APBB2: variants seen among roughly 807,000 people sequenced by gnomAD.
The protein encoded by APBB2 is amyloid beta precursor protein binding family B member 2.
Under a neutral mutation model 82.5 loss-of-function variants are expected in APBB2, and 38 were observed. That is an observed-to-expected ratio of 0.46 (90% confidence interval 0.36 to 0.60). The LOEUF is 0.60. APBB2 is among the 20% of genes least tolerant of loss of function. The pLI is 0.00. For synonymous variants in APBB2, 341 were observed against 368.2 expected, an observed-to-expected ratio of 0.93 and a Z score of 0.85; for missense variants, 772 against 972.3, an observed-to-expected ratio of 0.79 and a Z score of 2.74.
chr4:41,048,495 C>T (rs982980298), intron 4 of APBB2, among the ~76,000 whole-genome samples: 2 of 152,132 alleles, frequency 1.3e-5, no homozygotes, highest in Non-Finnish European at 2.9e-5. Context: ...CTATTATTAT[C>T]CTCATTTTAT....
In APBB2 at chr4:41,013,910, T is replaced by C; in HGVS notation, c.508A>G (p.Thr170Ala). 6.2e-7 allele frequency: 1 copy of C among 1,614,116 alleles called. No homozygotes were observed. Among genetic ancestry groups the C allele is most frequent in the African/African-American group, 1.3e-5 (1 of 75,026 alleles). Residue 170 changes from threonine (T) to alanine (A), a missense_variant, in exon 6 of 18, where the codon ACC becomes GCC. Physicochemically the swap from Thr to Ala is moderately conservative, Grantham distance 58. Transcript: ENST00000508593. ...TTCTGCTCTAGTTCTCTGGCTGAGGTTTCCAGATCTGCATAGTAATTTAGG... is the reference window on the plus strand; with the variant it reads ...TTCTGCTCTAGTTCTCTGGCTGAGGCTTCCAGATCTGCATAGTAATTTAGG... ...SFLNYYADLE[T>A]SARELEQNRG...
At chr4:41,195,802 T>A in intron 1 of APBB2, among the ~76,000 whole-genome samples, 1 of 152,100 alleles carries the variant, frequency 6.6e-6, no homozygotes, top group Non-Finnish European at 1.5e-5. Flanking sequence ...GGAATACCCC[T>A]TCCCGCCATA....
chr4:41,190,010 T>C (rs571005137), intron 1 of APBB2, among the ~76,000 whole-genome samples: 1 of 152,310 alleles, frequency 6.6e-6, no homozygotes, highest in African/African-American at 2.4e-5. Flanking sequence ...TAAAAATTCA[T>C]GGCTAAAAAT....
chr4:41,133,033 G>GA lies in APBB2; in HGVS notation c.-261+9953dup, dbSNP rs554357029. ...AGTTGTACTGTACATCTTTTTCAGG[G>GA]AAAAAATGCATACACCAGCATATAT... On this transcript the variant is annotated intron_variant, in intron 2 of 17. Coordinates refer to ENST00000508593, the MANE Select transcript of APBB2 (RefSeq NM_004307.2). Among the ~76,000 whole-genome samples, 330 of 151,402 alleles carry GA rather than the reference G, an allele frequency of 2.2e-3. 1 individual carries two copies. The highest frequency in any genetic ancestry group is 7.4e-3 in the African/African-American group (306 of 41,322).
intron 6 of APBB2, among the ~76,000 whole-genome samples, chr4:40,949,442 A>G (rs1393809520): frequency 2.0e-5 from 3 of 152,196 alleles, no homozygotes; most frequent in Admixed American, 6.5e-5. Flanking sequence ...TACTTACAAT[A>G]AAGTTTAAAA....
At chr4:40,961,667 TAAAAAAAAAAAAAAAAAAA>T (rs60942744) in intron 6 of APBB2, among the ~76,000 whole-genome samples, 6 of 68,248 alleles carry the variant, frequency 8.8e-5, no homozygotes, top group East Asian at 5.4e-4. Context: ...AAAAAAGATG[TAAAAAAAAAAAAAAAAAAA>T]AAAAAAAAAA....
chr4:40,967,968 A>G (rs1417136075), intron 6 of APBB2, among the ~76,000 whole-genome samples: 1 of 152,194 alleles, frequency 6.6e-6, no homozygotes, highest in African/African-American at 2.4e-5. Context: ...GAGTCCGATA[A>G]TTTACATTCT....
At chr4:41,097,844 TA>T (rs1168033294) in intron 3 of APBB2, among the ~76,000 whole-genome samples, 2 of 152,140 alleles carry the variant, frequency 1.3e-5, no homozygotes, top group Non-Finnish European at 2.9e-5. Context: ...GGACAGAGGT[TA>T]AAAAGAAGTG....
At chr4:40,926,458 T>C (rs1782627192) in intron 10 of APBB2, among the ~76,000 whole-genome samples, 1 of 152,208 alleles carries the variant, frequency 6.6e-6, no homozygotes, top group African/African-American at 2.4e-5. Context: ...TGATTTTTTT[T>C]TTTTTGAGAT....
rs566996220 is a variant in APBB2 at position 41,183,837 on chromosome 4, G to C, written c.-417+30568C>G. On this transcript the variant is annotated intron_variant, in intron 1 of 17. Coordinates refer to ENST00000508593, the MANE Select transcript of APBB2 (RefSeq NM_004307.2). Reference sequence around the variant, plus strand: ...TTTCTATGGACTGGGGGAGTTGCAGGGGGTGGGAGGGGGCGGTTCATGATG... The same window carrying C: ...TTTCTATGGACTGGGGGAGTTGCAGCGGGTGGGAGGGGGCGGTTCATGATG... 1.3e-4 allele frequency among the ~76,000 whole-genome samples: 20 copies of C among 151,928 alleles called. No homozygotes were observed. The East Asian group carries it at 3.7e-3, about 28-fold the overall frequency.
At chr4:41,199,372 ACTTT>A (rs1278667550) in intron 1 of APBB2, among the ~76,000 whole-genome samples, 1 of 152,196 alleles carries the variant, frequency 6.6e-6, no homozygotes, top group African/African-American at 2.4e-5. Context: ...TACATGAGAA[ACTTT>A]CTTTGTCATA....
chr4:40,915,544 A>T (rs139185401), intron 10 of APBB2, among the ~76,000 whole-genome samples: 97 of 152,322 alleles, frequency 6.4e-4, no homozygotes, highest in African/African-American at 2.3e-3. Context: ...CTTCAGGGCT[A>T]ATTTCACTTT....
chr4:40,847,452 AC>A (rs1758004772), intron 12 of APBB2, among the ~76,000 whole-genome samples: 1 of 152,158 alleles, frequency 6.6e-6, no homozygotes, highest in Non-Finnish European at 1.5e-5. Context: ...ACAGAGCAAG[AC>A]CGTCTCAAAA....
chr4:41,117,338 G>A (rs1338758563), intron 2 of APBB2, among the ~76,000 whole-genome samples: 1 of 149,094 alleles, frequency 6.7e-6, no homozygotes, highest in Non-Finnish European at 1.5e-5. Flanking sequence ...TGTCACCCAG[G>A]CTGGAGTGCA....
At chr4:40,903,650 A>G (rs1192675498) in intron 10 of APBB2, among the ~76,000 whole-genome samples, 1 of 152,204 alleles carries the variant, frequency 6.6e-6, no homozygotes, top group Non-Finnish European at 1.5e-5. Flanking sequence ...AGGAACATGC[A>G]AAAGTTTCAG....
intron 4 of APBB2, among the ~76,000 whole-genome samples, chr4:41,033,641 A>T (rs1717978818): frequency 7.4e-6 from 1 of 135,292 alleles, no homozygotes; most frequent in Non-Finnish European, 1.5e-5. Context: ...CCACTACAGA[A>T]AAAAAAAAAT....
rs1745306867 is a variant in APBB2 at position 40,815,242 on chromosome 4, T to C, written c.*850A>G. On this transcript the variant is annotated 3_prime_UTR_variant, in exon 18 of 18. Coordinates refer to ENST00000508593, the MANE Select transcript of APBB2 (RefSeq NM_004307.2). ...GGAGTATTTCATCTTAATGTTTATG[T>C]AGAGAATGGCCATAGTGAACTATAA... The C allele has an allele frequency of 1.3e-5, 2 of 152,676 alleles. No individual in the cohort carries two copies. Among genetic ancestry groups the C allele is most frequent in the Non-Finnish European group, 2.9e-5 (2 of 68,046 alleles). The allele number at this position is 152,676 out of a possible 1,614,324, so 9.5% of individuals were successfully genotyped here.
chr4:41,163,146 G>A (rs16852834), intron 1 of APBB2, among the ~76,000 whole-genome samples: 7,661 of 152,250 alleles, frequency 0.05, 424 homozygotes, highest in African/African-American at 0.14. Flanking sequence ...TGACATAGAG[G>A]ACAGCTTGGG....
intron 6 of APBB2, among the ~76,000 whole-genome samples, chr4:41,001,912 A>C (rs1374620400): frequency 6.6e-6 from 1 of 152,004 alleles, no homozygotes; most frequent in East Asian, 1.9e-4. Flanking sequence ...AGAAAAAGAC[A>C]AAAGCTTACA....
Sources: allele counts gnomAD v4.1 joint callset (sites outside exome capture counted in the v4.1 genomes callset), GRCh38; gene constraint gnomAD v4.1.1; transcripts MANE v1.5; gene names NCBI Gene and HGNC (gene_info 2026-07-23, HGNC 2026-07-21).